The following SHANK2 variants were observed in gnomAD, a reference collection of about 807,000 sequenced individuals.
SHANK2 encodes the protein SH3 and multiple ankyrin repeat domains protein 2.
In SHANK2, 43 loss-of-function variants were observed where a neutral mutation model predicts 133.7. That is an observed-to-expected ratio of 0.32 (90% CI 0.25 to 0.41). The LOEUF is 0.41. SHANK2 is among the 10% of genes least tolerant of loss of function. The probability of loss-of-function intolerance (pLI) is 1.00; values close to 1 mark genes in which losing one functional copy is unlikely to be tolerated. For missense variants in SHANK2, 1,994 were observed against 2,235.8 expected, an observed-to-expected ratio of 0.89 and a Z score of 2.18; for synonymous variants, 1,017 against 952.8, an observed-to-expected ratio of 1.07 and a Z score of -1.24.
intron 2 of SHANK2, among the ~76,000 whole-genome samples, chr11:71,198,771 G>A (rs979935253): frequency 1.1e-4 from 16 of 152,190 alleles, no homozygotes; most frequent in African/African-American, 2.2e-4. Flanking sequence ...CAGATGTCTC[G>A]TGTCTGTGGG....
chr11:70,720,776 G>C (rs1555028893), intron 14 of SHANK2, among the ~76,000 whole-genome samples: 1 of 152,206 alleles, frequency 6.6e-6, no homozygotes, highest in Non-Finnish European at 1.5e-5. Flanking sequence ...TAGCACACCG[G>C]CATGCACAAT....
chr11:70,501,927 A>T lies in SHANK2; in HGVS notation c.2283T>A (p.Asp761Glu), dbSNP rs1332845413. ...GGACCCAGTGGGGCTGCTTACCTTT[A>T]TCCACTAGTGAGAGGCCCAAAAATT... ...SMTSELEELVDKASVRKKKDK... is the reference protein window; with the variant it reads ...SMTSELEELVEKASVRKKKDK... The change falls in exon 20 of 26, where the codon GAT becomes GAA. Residue 761 changes from aspartate to glutamate, a missense_variant. Asp to Glu is a conservative substitution (Grantham distance 45). Coordinates refer to ENST00000601538, the MANE Select transcript of SHANK2 (RefSeq NM_012309.5). The T allele has an allele frequency of 6.4e-7, 1 of 1,559,698 alleles. No homozygotes were observed. The highest frequency in any genetic ancestry group is 8.7e-7 in the Non-Finnish European group (1 of 1,151,138).
At chr11:71,195,607 A>G in intron 2 of SHANK2, among the ~76,000 whole-genome samples, 1 of 152,162 alleles carries the variant, frequency 6.6e-6, no homozygotes, top group African/African-American at 2.4e-5. Context: ...TTTTTCATAG[A>G]ATTTCAGGAA....
At chr11:70,702,071 ACATCATCACCGCCAT>A (rs1945535564) in intron 14 of SHANK2, among the ~76,000 whole-genome samples, 2 of 147,726 alleles carry the variant, frequency 1.4e-5, no homozygotes, top group African/African-American at 5.0e-5. Flanking sequence ...ATCATTACCA[ACATCATCACCGCCAT>A]CATCATCACC....
chr11:70,730,832 T>C (rs1374537962), intron 14 of SHANK2, among the ~76,000 whole-genome samples: 2 of 150,910 alleles, frequency 1.3e-5, no homozygotes, highest in African/African-American at 4.9e-5. Flanking sequence ...ATTTCTTTTT[T>C]TTTTTTTTTT....
intron 2 of SHANK2, among the ~76,000 whole-genome samples, chr11:71,222,705 G>C (rs1327143370): frequency 2.0e-5 from 3 of 152,210 alleles, no homozygotes; most frequent in Non-Finnish European, 4.4e-5. Context: ...GAGCCTGCAG[G>C]GACACGTGCT....
At chr11:70,575,592 G>T (rs1446567527) in intron 17 of SHANK2, among the ~76,000 whole-genome samples, 2 of 151,760 alleles carry the variant, frequency 1.3e-5, no homozygotes, top group Non-Finnish European at 2.9e-5. Context: ...GGGGTGGGGA[G>T]GAGACACCAG....
intron 6 of SHANK2, among the ~76,000 whole-genome samples, chr11:71,104,107 G>A (rs73521147): frequency 0.017 from 2,639 of 152,116 alleles, 77 homozygotes; most frequent in African/African-American, 0.06. Flanking sequence ...CCTCAGGTAT[G>A]TCTTTACAGC....
intron 14 of SHANK2, among the ~76,000 whole-genome samples, chr11:70,718,762 C>T (rs1485349709): frequency 4.3e-5 from 6 of 138,064 alleles, no homozygotes; most frequent in African/African-American, 1.8e-4. Context: ...AAGCCCTCAC[C>T]TTCCTGAGCT....
chr11:71,069,275 A>G (rs1023963063), intron 9 of SHANK2, among the ~76,000 whole-genome samples: 16 of 152,144 alleles, frequency 1.1e-4, no homozygotes, highest in African/African-American at 3.9e-4. Context: ...CACCACCACC[A>G]TCAGCACCAT....
intron 14 of SHANK2, among the ~76,000 whole-genome samples, chr11:70,717,835 C>G (rs1555027809): frequency 6.6e-6 from 1 of 151,908 alleles, no homozygotes; most frequent in Non-Finnish European, 1.5e-5. Flanking sequence ...AGTTGCAGCC[C>G]TCTGGGGGCA....
At chr11:71,146,422 A>ATGAAG (rs1952645848) in intron 3 of SHANK2, among the ~76,000 whole-genome samples, 12 of 152,310 alleles carry the variant, frequency 7.9e-5, no homozygotes, top group Non-Finnish European at 1.8e-4. Context: ...TCCTCTGCAC[A>ATGAAG]CGAAGCTCCC....
chr11:70,596,606 A>G (rs1045815568), intron 17 of SHANK2, among the ~76,000 whole-genome samples: 1 of 152,228 alleles, frequency 6.6e-6, no homozygotes, highest in East Asian at 1.9e-4. Flanking sequence ...CGGCAGGCCC[A>G]GCAGGGCAAC....
At chr11:71,211,081 A>G (rs1203757138) in intron 2 of SHANK2, among the ~76,000 whole-genome samples, 1 of 151,792 alleles carries the variant, frequency 6.6e-6, no homozygotes, top group African/African-American at 2.4e-5. Context: ...CCCCTTACCA[A>G]GTTCACGATG....
intron 14 of SHANK2, among the ~76,000 whole-genome samples, chr11:70,737,527 C>T (rs941140693): frequency 3.3e-5 from 5 of 152,222 alleles, no homozygotes; most frequent in Admixed American, 1.3e-4. Flanking sequence ...ATGCATCTCG[C>T]TCCAGACATC....
chr11:71,189,409 CTTTT>C (rs1555115018), intron 2 of SHANK2, among the ~76,000 whole-genome samples: 1 of 152,090 alleles, frequency 6.6e-6, no homozygotes, highest in Non-Finnish European at 1.5e-5. Context: ...TATTCTTTTT[CTTTT>C]TGAGATTGAG....
At chr11:70,520,809 C>T (rs2135927444) in intron 17 of SHANK2, among the ~76,000 whole-genome samples, 1 of 152,330 alleles carries the variant, frequency 6.6e-6, no homozygotes, top group Non-Finnish European at 1.5e-5. Context: ...TGAATGATAA[C>T]CAAATGTGAC....
At chr11:70,622,828 C>T (rs1440421769) in intron 17 of SHANK2, among the ~76,000 whole-genome samples, 3 of 152,284 alleles carry the variant, frequency 2.0e-5, no homozygotes, top group South Asian at 2.1e-4. Flanking sequence ...AACACACACG[C>T]GCAAGCACCA....
At chr11:70,478,214 A>G (rs1237250657) in intron 25 of SHANK2, among the ~76,000 whole-genome samples, 1 of 151,832 alleles carries the variant, frequency 6.6e-6, no homozygotes, top group Non-Finnish European at 1.5e-5. Flanking sequence ...TGCAGCAATC[A>G]TAGCTCACTG....
Sources: gnomAD v4.1 joint callset for allele counts (sites outside exome capture counted in the v4.1 genomes callset) on GRCh38, gnomAD v4.1.1 for gene constraint, MANE v1.5 for transcripts, NCBI Gene and HGNC (gene_info 2026-07-23, HGNC 2026-07-21) for gene names.